Variants in CDC25A observed in about 807,000 individuals in gnomAD.
CDC25A encodes the protein cell division cycle 25A, also known as M-phase inducer phosphatase 1.
Under a neutral mutation model 64.6 loss-of-function variants are expected in CDC25A, and 17 were observed. The observed-to-expected ratio is 0.26, with a 90% CI of 0.18 to 0.39. The LOEUF (loss-of-function observed/expected upper bound fraction) is 0.39. CDC25A is among the 10% of genes least tolerant of loss of function. The pLI, the probability that CDC25A is intolerant of heterozygous loss-of-function variation, is 1.00. For missense variants in CDC25A, 473 were observed against 654.8 expected (o/e 0.72, Z 3.03); for synonymous variants, 229 against 238.6 (o/e 0.96, Z 0.37).
Position 48,158,365 on chromosome 3 carries a change from T to C in CDC25A, c.*580A>G, listed in dbSNP as rs754285459. 1 of 152,310 alleles carries C rather than the reference T, an allele frequency of 6.6e-6. No individual in the cohort carries two copies. The allele number at this position is 152,310 out of a possible 1,614,324, so 9.4% of individuals were successfully genotyped here. ...GTTTGCATTTTCTTACCCACTTCTT[T>C]TTTTTTTTTAAATTAAAAGCCGAGG... On this transcript the variant is annotated 3_prime_UTR_variant, in exon 15 of 15. Transcript: ENST00000302506.
At position 48,158,657 on chromosome 3, in the gene CDC25A, G is replaced by C; in HGVS notation, c.*288C>G. 3.3e-6 allele frequency: 1 copy of C among 299,074 alleles called. No individual in the cohort carries two copies. The allele number at this position is 299,074 out of a possible 1,614,324, so 18.5% of individuals were successfully genotyped here. A position where few individuals can be genotyped will look rare whatever the true frequency, so the allele number is the denominator to read the frequency against. ...GCTGGAGCCCGATAAGGCCCCGGCT[G>C]GTTCATCCCACTGTGGCTCAGAGCA... On this transcript the variant is annotated 3_prime_UTR_variant, in exon 15 of 15. Coordinates refer to ENST00000302506, the MANE Select transcript of CDC25A (RefSeq NM_001789.3).
In CDC25A at chr3:48,167,909, G is replaced by C. The variant is rs767143390; in HGVS notation, c.966C>G (p.Pro322=). 6.2e-7 allele frequency: 1 copy of C among 1,609,828 alleles called. No individual in the cohort carries two copies. The highest frequency in any genetic ancestry group is 8.5e-7 in the Non-Finnish European group (1 of 1,176,212). The change falls in exon 10 of 15, where the codon CCC becomes CCG. Residue 322 remains proline (P), a synonymous_variant. Transcript: ENST00000302506. Reference sequence around the variant, plus strand: ...CCAAAATGTTCTCAATGGTTCCTTTGGGGGAAGATGCCAGGGATAAAGACT... The same window carrying C: ...CCAAAATGTTCTCAATGGTTCCTTTCGGGGAAGATGCCAGGGATAAAGACT... The part of the protein sequence containing the change: ...LHQSLSLASS[P]KGTIENILDN...
chr3:48,162,887 C>T (rs1242541045), intron 13 of CDC25A, among the ~76,000 whole-genome samples: 1 of 151,688 alleles, frequency 6.6e-6, no homozygotes, highest in Non-Finnish European at 1.5e-5. Flanking sequence ...CACAGTGGCT[C>T]ATGCCTGCAA....
chr3:48,165,945 A>G (rs780947482), intron 10 of CDC25A, 52 bp from the exon 11 acceptor site: 1 of 1,201,494 alleles, frequency 8.3e-7, no homozygotes, highest in Non-Finnish European at 1.2e-6. Context: ...TATATTATTC[A>G]CACTTATACT....
In CDC25A at chr3:48,157,933, A is replaced by C. The variant is rs926846164; in HGVS notation, c.*1012T>G. 1.3e-5 allele frequency: 2 copies of C among 152,424 alleles called. No homozygotes were observed. The highest frequency in any genetic ancestry group is 4.8e-5 in the African/African-American group (2 of 41,442). The allele number at this position is 152,424 out of a possible 1,614,324, so 9.4% of individuals were successfully genotyped here. On this transcript the variant is annotated 3_prime_UTR_variant, in exon 15 of 15. Coordinates refer to ENST00000302506, the MANE Select transcript of CDC25A (RefSeq NM_001789.3). ...AAAAATTAGAAAATAAAAGCTATCA[A>C]TATCACAGCAACATAAGGAAGATAC...
chr3:48,175,320 G>A (rs1465078022), intron 8 of CDC25A, among the ~76,000 whole-genome samples: 1 of 151,958 alleles, frequency 6.6e-6, no homozygotes, highest in African/African-American at 2.4e-5. Context: ...AATAAATAAA[G>A]ACAAATTTTC....
intron 7 of CDC25A, 60 bp from the exon 8 acceptor site, chr3:48,177,502 T>C: frequency 7.8e-7 from 1 of 1,288,114 alleles, no homozygotes. Context: ...TTTGTTTAAG[T>C]GCTTTAGGTG....
chr3:48,188,071 A>C lies in CDC25A; in HGVS notation c.-124T>G. On this transcript the variant is annotated 5_prime_UTR_variant, in exon 1 of 15. Coordinates refer to ENST00000302506, the MANE Select transcript of CDC25A (RefSeq NM_001789.3). ...CGCCCGCGGGTCAAACACAAACACG[A>C]CTCCGCGGTTCAGGGACGCGGCTGC... 1 of 756,194 alleles carries C rather than the reference A, an allele frequency of 1.3e-6. No individual in the cohort carries two copies. Among genetic ancestry groups the C allele is most frequent in the Non-Finnish European group, 1.8e-6 (1 of 555,512 alleles). The allele number at this position is 756,194 out of a possible 1,614,324, so 46.8% of individuals were successfully genotyped here.
intron 9 of CDC25A, among the ~76,000 whole-genome samples, chr3:48,170,788 CAAAAA>C (rs1248742009): frequency 1.3e-5 from 2 of 152,068 alleles, no homozygotes; most frequent in African/African-American, 4.8e-5. Context: ...CATTAGTATA[CAAAAA>C]GATATGACCT....
chr3:48,180,899 G>C, intron 5 of CDC25A, 59 bp from the exon 6 acceptor site: 1 of 1,581,264 alleles, frequency 6.3e-7, no homozygotes, highest in South Asian at 1.1e-5. Context: ...CCTCAGCTTG[G>C]GTGAAAGAGG....
rs372196736 is a variant in CDC25A, at chr3:48,183,055, A to T, written c.328-25T>A. The T allele has an allele frequency of 3.4e-6, 5 of 1,488,176 alleles. 1 individual carries two copies. The African/African-American group carries it at 6.9e-5, about 21-fold the overall frequency. 92.2% of individuals were successfully genotyped at this position (1,488,176 alleles called of 1,614,324 possible). A position where few individuals can be genotyped will look rare whatever the true frequency, so the allele number is the denominator to read the frequency against. On this transcript the variant is annotated intron_variant, in intron 4 of 14. Transcript: ENST00000302506. Reference sequence around the variant, plus strand: ...GCTATCAAAGTAAAAAAGGAAAATAATTAAGGCACACAAATAAAATTTCAG... The same window carrying T: ...GCTATCAAAGTAAAAAAGGAAAATATTTAAGGCACACAAATAAAATTTCAG...
chr3:48,176,851 A>G (rs775632876), intron 8 of CDC25A, among the ~76,000 whole-genome samples: 2 of 151,634 alleles, frequency 1.3e-5, no homozygotes, highest in East Asian at 3.9e-4. Flanking sequence ...GGCACCTGTA[A>G]TCCCAGCTAC....
chr3:48,168,648 C>CA (rs1314582598), intron 9 of CDC25A, among the ~76,000 whole-genome samples: 1 of 132,956 alleles, frequency 7.5e-6, no homozygotes, highest in African/African-American at 2.9e-5. Context: ...TTTAAAAAGA[C>CA]AGAGTCTCGC....
intron 4 of CDC25A, 124 bp downstream of exon 4, chr3:48,183,676 G>A: frequency 1.5e-6 from 1 of 658,582 alleles, no homozygotes; most frequent in Non-Finnish European, 2.7e-6. Context: ...GCAAGACCTT[G>A]TCTCAAAAGA....
intron 5 of CDC25A, among the ~76,000 whole-genome samples, chr3:48,181,971 C>T (rs928229332): frequency 1.3e-5 from 2 of 152,162 alleles, no homozygotes; most frequent in Non-Finnish European, 2.9e-5. Context: ...TGAAGTAAAA[C>T]AGGACAACTC....
intron 13 of CDC25A, chr3:48,161,303 T>C (rs1312998692): frequency 2.6e-5 from 4 of 153,980 alleles, no homozygotes; most frequent in African/African-American, 9.7e-5. Flanking sequence ...AGCTTGCAAA[T>C]ACAGAATACA....
intron 12 of CDC25A, among the ~76,000 whole-genome samples, 175 bp from the exon 13 acceptor site, chr3:48,164,612 G>A (rs3731555): frequency 0.22 from 32,742 of 152,054 alleles, 4,379 homozygotes; most frequent in Non-Finnish European, 0.3. Context: ...TATCTCAATG[G>A]AGCTTTGTGG....
rs975405163 is a variant in CDC25A at position 48,177,958 on chromosome 3, G to A, written c.580C>T (p.Pro194Ser). Residue 194 changes from proline to serine, a missense_variant, in exon 7 of 15, where the codon CCA (proline) becomes TCA (serine). Transcript: ENST00000302506. ...LSSNERDSSE[P>S]GNFIPLFTPQ... ...GTAAAAAGAGGAATGAAATTCCCTG[G>A]TTCACTGCTATCTCTTTCATTTGAG... 8 of 1,613,386 alleles carry A rather than the reference G, an allele frequency of 5.0e-6. No homozygotes were observed. The highest frequency in any genetic ancestry group is 6.8e-6 in the Non-Finnish European group (8 of 1,179,600).
Position 48,158,832 on chromosome 3 carries a change from G to A in CDC25A, c.*113C>T, listed in dbSNP as rs1293443975. On this transcript the variant is annotated 3_prime_UTR_variant, in exon 15 of 15. Transcript: ENST00000302506. ...TAGGTTTAAGGCATGGAAGTCCCAG[G>A]CCCCCTCTCCAAATGTCACACAGCT... 5 of 1,325,556 alleles carry A rather than the reference G, an allele frequency of 3.8e-6. No individual in the cohort carries two copies. Among genetic ancestry groups the A allele is most frequent in the Non-Finnish European group, 5.2e-6 (5 of 962,356 alleles). 82.1% of individuals were successfully genotyped at this position (1,325,556 alleles called of 1,614,324 possible).
Sources: allele counts gnomAD v4.1 joint callset (sites outside exome capture counted in the v4.1 genomes callset), GRCh38; gene constraint gnomAD v4.1.1; transcripts MANE v1.5; gene names NCBI Gene and HGNC (gene_info 2026-07-23, HGNC 2026-07-21).